Variants in PLCXD3 observed in about 807,000 individuals in gnomAD.
PLCXD3 encodes the protein phosphatidylinositol specific phospholipase C X domain containing 3.
PLCXD3 carries 19 observed loss-of-function variants against 25.5 expected under a neutral mutation model. That is an observed-to-expected ratio of 0.75 (90% CI 0.52 to 1.09). PLCXD3 has a LOEUF of 1.09. Ranked by LOEUF, PLCXD3 falls within the 50% of genes least tolerant of loss-of-function variation. PLCXD3 has a pLI of 0.00. For missense variants in PLCXD3, 411 were observed against 388.1 expected (o/e 1.06, Z -0.50); for synonymous variants, 174 against 137.6 (o/e 1.26, Z -1.85).
chr5:41,388,739 T>G (rs1019576667), intron 1 of PLCXD3, among the ~76,000 whole-genome samples: 1 of 152,030 alleles, frequency 6.6e-6, no homozygotes, highest in Non-Finnish European at 1.5e-5. Flanking sequence ...ATTACTGTAT[T>G]ATAATTTTAG....
intron 2 of PLCXD3, among the ~76,000 whole-genome samples, chr5:41,337,657 A>G (rs1257232447): frequency 1.3e-5 from 2 of 152,216 alleles, no homozygotes; most frequent in African/African-American, 4.8e-5. Context: ...GTCTTTGGAC[A>G]CTTGCAATCA....
intron 1 of PLCXD3, among the ~76,000 whole-genome samples, chr5:41,432,613 G>C (rs1189404945): frequency 6.6e-6 from 1 of 152,182 alleles, no homozygotes; most frequent in African/African-American, 2.4e-5. Flanking sequence ...GCACATAAGA[G>C]AGCCAGCTTC....
intron 1 of PLCXD3, among the ~76,000 whole-genome samples, chr5:41,410,721 C>T (rs953723351): frequency 1.3e-5 from 2 of 152,136 alleles, no homozygotes; most frequent in African/African-American, 4.8e-5. Flanking sequence ...AACTGAGCAT[C>T]AACAGCAGCG....
chr5:41,493,735 C>G (rs534419456), intron 1 of PLCXD3, among the ~76,000 whole-genome samples: 2 of 152,196 alleles, frequency 1.3e-5, no homozygotes, highest in African/African-American at 4.8e-5. Flanking sequence ...TAGGACCCTC[C>G]GAGCCAGGTG....
chr5:41,480,231 G>T (rs1748370382), intron 1 of PLCXD3, among the ~76,000 whole-genome samples: 1 of 151,978 alleles, frequency 6.6e-6, no homozygotes, highest in Admixed American at 6.6e-5. Flanking sequence ...TGATAAAAAA[G>T]CAATCAAAAT....
At chr5:41,404,429 A>T (rs995179932) in intron 1 of PLCXD3, among the ~76,000 whole-genome samples, 7 of 152,108 alleles carry the variant, frequency 4.6e-5, no homozygotes, top group Non-Finnish European at 8.8e-5. Flanking sequence ...CACCTACACA[A>T]ATGCACATTA....
At chr5:41,405,023 T>C (rs996548563) in intron 1 of PLCXD3, among the ~76,000 whole-genome samples, 2 of 152,160 alleles carry the variant, frequency 1.3e-5, no homozygotes, top group Admixed American at 6.6e-5. Flanking sequence ...TGTTTTCTTG[T>C]CCTTGCCTGT....
At chr5:41,482,856 C>T (rs988338878) in intron 1 of PLCXD3, among the ~76,000 whole-genome samples, 1 of 152,152 alleles carries the variant, frequency 6.6e-6, no homozygotes, top group Non-Finnish European at 1.5e-5. Context: ...AATAATATCA[C>T]ATTGTGTATG....
intron 1 of PLCXD3, among the ~76,000 whole-genome samples, chr5:41,509,258 T>G (rs889501192): frequency 1.3e-5 from 2 of 152,110 alleles, no homozygotes; most frequent in Admixed American, 6.6e-5. Flanking sequence ...AACGTTGAGT[T>G]TAATAGCCCA....
chr5:41,474,148 G>C (rs1748230751), intron 1 of PLCXD3, among the ~76,000 whole-genome samples: 1 of 152,208 alleles, frequency 6.6e-6, no homozygotes, highest in South Asian at 2.1e-4. Context: ...GGGAAGAAGA[G>C]AGCTCCCTGC....
At chr5:41,421,658 G>A (rs1285665631) in intron 1 of PLCXD3, among the ~76,000 whole-genome samples, 1 of 152,148 alleles carries the variant, frequency 6.6e-6, no homozygotes, top group Non-Finnish European at 1.5e-5. Flanking sequence ...CCGAGATTGC[G>A]CTACTGCAGT....
chr5:41,361,147 C>T (rs988019968), intron 2 of PLCXD3, among the ~76,000 whole-genome samples: 1 of 152,024 alleles, frequency 6.6e-6, no homozygotes, highest in Non-Finnish European at 1.5e-5. Flanking sequence ...TTACGGCTGC[C>T]TCTTCTGAGT....
At chr5:41,331,308 A>C (rs1247722721) in intron 2 of PLCXD3, among the ~76,000 whole-genome samples, 2 of 152,198 alleles carry the variant, frequency 1.3e-5, no homozygotes, top group African/African-American at 4.8e-5. Context: ...AATAACAAAC[A>C]GAGAGCCAAA....
chr5:41,481,102 T>TAAAAAAAAAA (rs554092157), intron 1 of PLCXD3, among the ~76,000 whole-genome samples: 3 of 72,898 alleles, frequency 4.1e-5, no homozygotes, highest in African/African-American at 1.1e-4. Flanking sequence ...ACCTAATTTG[T>TAAAAAAAAAA]AAAAAAAAAA....
chr5:41,382,176 G>A lies in PLCXD3; in HGVS notation c.462C>T (p.His154=), dbSNP rs149113797. 32 of 1,613,608 alleles carry A rather than the reference G, an allele frequency of 2.0e-5. No homozygotes were observed. In the African/African-American group the frequency reaches 3.9e-4, roughly 20 times the overall value. The part of the protein sequence containing the change: ...FNHFYGMQKY[H]HEKLVQMLKD... ...TCAGCATTTGGACCAGTTTTTCATG[G>A]TGATATTTCTGCATCCCATAAAAGT... Residue 154 remains histidine, a synonymous_variant, in exon 2 of 3, where the codon CAC becomes CAT. Transcript: ENST00000377801.
chr5:41,330,295 C>T (rs915469696), intron 2 of PLCXD3, among the ~76,000 whole-genome samples: 4 of 152,102 alleles, frequency 2.6e-5, no homozygotes, highest in Non-Finnish European at 4.4e-5. Context: ...ATACAAACTA[C>T]CATCAGAGAA....
intron 1 of PLCXD3, among the ~76,000 whole-genome samples, chr5:41,508,144 A>C (rs2111600845): frequency 6.6e-6 from 1 of 152,318 alleles, no homozygotes; most frequent in South Asian, 2.1e-4. Context: ...CCATTTGAGT[A>C]TAATACCAAC....
At position 41,317,278 on chromosome 5, in the gene PLCXD3, A is replaced by G. The variant is rs980351734; in HGVS notation, c.813-3508T>C. ...AGGCCATCAAGGTGGTACCTCTACA[A>G]GTCATCAGGAATCACAGCATTACTG... On this transcript the variant is annotated intron_variant, in intron 2 of 2. Coordinates refer to ENST00000377801, the MANE Select transcript of PLCXD3 (RefSeq NM_001005473.3). Among the ~76,000 whole-genome samples, 14 of 152,272 alleles carry G rather than the reference A, an allele frequency of 9.2e-5. No homozygotes were observed. The East Asian group carries it at 1.5e-3, about 17-fold the overall frequency.
At chr5:41,422,413 C>G (rs1309924809) in intron 1 of PLCXD3, among the ~76,000 whole-genome samples, 2 of 152,170 alleles carry the variant, frequency 1.3e-5, no homozygotes, top group African/African-American at 4.8e-5. Context: ...TTATCAACCA[C>G]CATCTTTTCA....
Sources: gnomAD v4.1 joint callset for allele counts (sites outside exome capture counted in the v4.1 genomes callset) on GRCh38, gnomAD v4.1.1 for gene constraint, MANE v1.5 for transcripts, NCBI Gene and HGNC (gene_info 2026-07-23, HGNC 2026-07-21) for gene names.